Variants in CDH4 observed in about 807,000 individuals in gnomAD.
CDH4 encodes cadherin 4, also known as cadherin-4.
A neutral mutation model predicts 86.0 loss-of-function variants in CDH4; 33 were observed. The observed-to-expected ratio is 0.38, with a 90% CI of 0.29 to 0.51. The LOEUF (loss-of-function observed/expected upper bound fraction) is 0.51, where lower values mean the gene tolerates loss of function less well. CDH4 is among the 20% of genes least tolerant of loss of function. The probability of loss-of-function intolerance (pLI) is 0.86; values close to 1 mark genes in which losing one functional copy is unlikely to be tolerated. For synonymous variants in CDH4, 555 were observed against 549.4 expected, an observed-to-expected ratio of 1.01 and a Z score of -0.14; for missense variants, 1,114 against 1,307.4, an observed-to-expected ratio of 0.85 and a Z score of 2.28.
At chr20:61,383,508 T>A (rs1275677999) in intron 2 of CDH4, among the ~76,000 whole-genome samples, 6 of 91,824 alleles carry the variant, frequency 6.5e-5, no homozygotes, top group Non-Finnish European at 9.9e-5. Flanking sequence ...TTATATATGA[T>A]ATATATGAAT....
At chr20:61,426,522 A>G (rs1600968591) in intron 2 of CDH4, among the ~76,000 whole-genome samples, 1 of 152,154 alleles carries the variant, frequency 6.6e-6, no homozygotes, top group South Asian at 2.1e-4. Flanking sequence ...ACTGCAGAAG[A>G]CGGTCTGCCT....
intron 2 of CDH4, among the ~76,000 whole-genome samples, chr20:61,520,458 C>T (rs991330811): frequency 2.6e-5 from 4 of 152,182 alleles, no homozygotes; most frequent in African/African-American, 4.8e-5. Context: ...GTAGAGATAA[C>T]CCCGATGCCT....
chr20:61,562,007 G>C (rs2086220008), intron 2 of CDH4, among the ~76,000 whole-genome samples: 1 of 151,440 alleles, frequency 6.6e-6, no homozygotes, highest in Admixed American at 6.6e-5. Context: ...TGGACCCCAG[G>C]GCTCCCGGAG....
chr20:61,775,714 G>A (rs1048802519), intron 4 of CDH4, among the ~76,000 whole-genome samples: 1 of 152,328 alleles, frequency 6.6e-6, no homozygotes, highest in South Asian at 2.1e-4. Context: ...TGAGTGAGCA[G>A]TGAATTTGAG....
chr20:61,456,586 G>A (rs1158872872), intron 2 of CDH4, among the ~76,000 whole-genome samples: 2 of 152,184 alleles, frequency 1.3e-5, no homozygotes, highest in Non-Finnish European at 2.9e-5. Flanking sequence ...CTGGGGTCGG[G>A]AAACTCTGCT....
At chr20:61,259,666 T>TTC (rs150471311) in intron 2 of CDH4, among the ~76,000 whole-genome samples, 5 of 151,528 alleles carry the variant, frequency 3.3e-5, no homozygotes, top group South Asian at 2.1e-4. Context: ...CCAGTATTGA[T>TTC]TCTCTCTCTC....
intron 2 of CDH4, among the ~76,000 whole-genome samples, chr20:61,653,374 C>G (rs1265501748): frequency 1.4e-5 from 2 of 138,906 alleles, no homozygotes; most frequent in Non-Finnish European, 3.2e-5. Flanking sequence ...ATTTCTCAAT[C>G]TTTTCCCCAC....
chr20:61,938,000 G>C lies in CDH4; in HGVS notation c.*1057G>C, dbSNP rs912226338. 1 of 152,392 alleles carries C rather than the reference G, an allele frequency of 6.6e-6. No homozygotes were observed. The highest frequency in any genetic ancestry group is 1.5e-5 in the Non-Finnish European group (1 of 68,216). 9.4% of individuals were successfully genotyped at this position (152,392 alleles called of 1,614,324 possible). A position where few individuals can be genotyped will look rare whatever the true frequency, so the allele number is the denominator to read the frequency against. On this transcript the variant is annotated 3_prime_UTR_variant, in exon 16 of 16. Transcript: ENST00000614565. ...CTGAAGAGGGCAGTTACGGTTGGGC[G>C]TGGTGACCAGAACACACCCAGCAGC...
Position 61,517,801 on chromosome 20 carries a change from G to A in CDH4, c.170-225762G>A, listed in dbSNP as rs2085833209. On this transcript the variant is annotated intron_variant, in intron 2 of 15. Coordinates refer to ENST00000614565, the MANE Select transcript of CDH4 (RefSeq NM_001794.5). The surrounding 1 kb of genome is among the most constrained non-coding windows in gnomAD (Gnocchi z 6.6). ...TTATGGTTTTCATCCTGAAATACGT[G>A]GTCAGTCCAGGGTTCATCGTTTTAG... Among the ~76,000 whole-genome samples the A allele has an allele frequency of 1.3e-5, 2 of 152,174 alleles. No homozygotes were observed. Among genetic ancestry groups the A allele is most frequent in the Admixed American group, 1.3e-4 (2 of 15,286 alleles).
chr20:61,321,312 G>A (rs928246881), intron 2 of CDH4, among the ~76,000 whole-genome samples: 3 of 152,154 alleles, frequency 2.0e-5, no homozygotes, highest in African/African-American at 7.2e-5. Context: ...GAGGGCAGAG[G>A]GAGGAGGCGA....
Position 61,714,021 on chromosome 20 carries a change from T to TTTTTATTTTATTTTA in CDH4, c.170-29513_170-29499dup, listed in dbSNP as rs373689820. 1.4e-3 allele frequency among the ~76,000 whole-genome samples: 197 copies of TTTTTATTTTATTTTA among 135,974 alleles called. 3 individuals carry two copies. The highest frequency in any genetic ancestry group is 5.3e-3 in the African/African-American group (180 of 33,774). The allele number at this position is 135,974 out of a possible 152,430, so 89.2% of individuals were successfully genotyped here. ...CTGTCTTAGTCCATTGTCTATTCTT[T>TTTTTATTTTATTTTA]TTTTATTTTATTTTATTTTATTTTA... On this transcript the variant is annotated intron_variant, in intron 2 of 15. Coordinates refer to ENST00000614565, the MANE Select transcript of CDH4 (RefSeq NM_001794.5).
chr20:61,692,219 A>T (rs889437601), intron 2 of CDH4, among the ~76,000 whole-genome samples: 20 of 146,154 alleles, frequency 1.4e-4, no homozygotes, highest in Non-Finnish European at 2.9e-4. Flanking sequence ...CTATGTATGT[A>T]TGTGTGTATG....
chr20:61,637,550 A>G (rs2086960065), intron 2 of CDH4, among the ~76,000 whole-genome samples: 1 of 152,104 alleles, frequency 6.6e-6, no homozygotes, highest in African/African-American at 2.4e-5. Flanking sequence ...TCACTGCCCT[A>G]TGTCAGCTTT....
intron 6 of CDH4, among the ~76,000 whole-genome samples, chr20:61,872,227 C>A (rs1404088972): frequency 2.0e-5 from 3 of 152,006 alleles, no homozygotes; most frequent in African/African-American, 7.3e-5. Context: ...CAGCCCCGCC[C>A]TTGTGGTGGC....
intron 2 of CDH4, among the ~76,000 whole-genome samples, chr20:61,686,471 GTA>G (rs1364934430): frequency 1.3e-5 from 2 of 151,688 alleles, no homozygotes; most frequent in South Asian, 2.1e-4. Flanking sequence ...GCATTTGCGT[GTA>G]TATGTGCGTG....
At chr20:61,794,565 G>A (rs904085719) in intron 4 of CDH4, among the ~76,000 whole-genome samples, 4 of 152,250 alleles carry the variant, frequency 2.6e-5, no homozygotes, top group East Asian at 1.9e-4. Flanking sequence ...AGTCACAGGT[G>A]CTGGTTGGAA....
rs2087512617 is a variant in CDH4 at position 61,681,524 on chromosome 20, T to C, written c.170-62039T>C. 6.6e-6 allele frequency among the ~76,000 whole-genome samples: 1 copy of C among 152,192 alleles called. No homozygotes were observed. The highest frequency in any genetic ancestry group is 2.1e-4 in the South Asian group (1 of 4,830). Reference sequence around the variant, plus strand: ...CAATCCTTGGAACTTGATAACTGTGTGCATTTTAAGGAATCTGTTAGCTCC... The same window carrying C: ...CAATCCTTGGAACTTGATAACTGTGCGCATTTTAAGGAATCTGTTAGCTCC... On this transcript the variant is annotated intron_variant, in intron 2 of 15. Transcript: ENST00000614565. The surrounding 1 kb of genome is among the most constrained non-coding windows in gnomAD (Gnocchi z 4.5).
chr20:61,745,820 C>A (rs2088407192), intron 3 of CDH4, among the ~76,000 whole-genome samples: 1 of 152,292 alleles, frequency 6.6e-6, no homozygotes, highest in Middle Eastern at 3.4e-3. Context: ...GAGCAGAGCC[C>A]CTGAGAGCCT....
At chr20:61,453,206 C>G (rs2085389682) in intron 2 of CDH4, among the ~76,000 whole-genome samples, 1 of 152,170 alleles carries the variant, frequency 6.6e-6, no homozygotes, top group Admixed American at 6.5e-5. Flanking sequence ...GGAACTTGAA[C>G]AATTTATAGT....
Sources: allele counts gnomAD v4.1 joint callset (sites outside exome capture counted in the v4.1 genomes callset), GRCh38; gene constraint gnomAD v4.1.1; non-coding constraint Gnocchi (gnomAD v3.1); transcripts MANE v1.5; gene names NCBI Gene and HGNC (gene_info 2026-07-23, HGNC 2026-07-21).